Variants in CTNNA2 observed in about 807,000 individuals in gnomAD.
The protein encoded by CTNNA2 is catenin alpha 2, also known as catenin alpha-2.
CTNNA2 carries 42 observed loss-of-function variants against 101.0 expected under a neutral mutation model. The ratio of observed to expected loss-of-function variants is 0.42; its 90% confidence interval spans 0.32 to 0.54. The LOEUF (loss-of-function observed/expected upper bound fraction) is 0.54. CTNNA2 is among the 20% of genes least tolerant of loss of function. The pLI is 0.14. For missense variants in CTNNA2, 871 were observed against 1,223.1 expected, an observed-to-expected ratio of 0.71 and a Z score of 4.29; for synonymous variants, 450 against 456.4, an observed-to-expected ratio of 0.99 and a Z score of 0.18.
At chr2:80,083,636 T>G (rs1248555068) in intron 7 of CTNNA2, among the ~76,000 whole-genome samples, 1 of 152,176 alleles carries the variant, frequency 6.6e-6, no homozygotes, top group East Asian at 1.9e-4. Flanking sequence ...GAAGAGTCAT[T>G]TTTGAGAACT....
chr2:80,591,457 G>GTTT lies in CTNNA2; in HGVS notation c.2189+1991_2189+1993dup, dbSNP rs567131551. On this transcript the variant is annotated intron_variant, in intron 15 of 18. Transcript: ENST00000402739. ...ATTGCTGCCTCCATCTGCACAGCCT[G>GTTT]TTTTTTTTTTTTTTTTTTTTTGCAA... 9.4e-4 allele frequency among the ~76,000 whole-genome samples: 66 copies of GTTT among 70,296 alleles called. 7 individuals are homozygous for GTTT. Among genetic ancestry groups the GTTT allele is most frequent in the African/African-American group, 1.4e-3 (31 of 21,920 alleles). The allele number at this position is 70,296 out of a possible 152,430, so 46.1% of individuals were successfully genotyped here.
intron 6 of CTNNA2, among the ~76,000 whole-genome samples, chr2:79,882,566 G>T (rs368289333): frequency 6.6e-6 from 1 of 152,226 alleles, no homozygotes; most frequent in South Asian, 2.1e-4. Context: ...CCTGGCTCCA[G>T]CAGGGGAAAA....
At chr2:79,991,478 C>G (rs75500099) in intron 7 of CTNNA2, among the ~76,000 whole-genome samples, 1 of 152,086 alleles carries the variant, frequency 6.6e-6, no homozygotes, top group African/African-American at 2.4e-5. Flanking sequence ...AAGAAAATTC[C>G]TCATCTGTGA....
At chr2:79,897,636 A>G (rs1684806470) in intron 6 of CTNNA2, among the ~76,000 whole-genome samples, 1 of 152,220 alleles carries the variant, frequency 6.6e-6, no homozygotes, top group Non-Finnish European at 1.5e-5. Context: ...CTCAGCTAGA[A>G]AGAATTACAA....
At chr2:79,701,740 G>A (rs777552295) in intron 2 of CTNNA2, among the ~76,000 whole-genome samples, 1 of 152,112 alleles carries the variant, frequency 6.6e-6, no homozygotes, top group Non-Finnish European at 1.5e-5. Context: ...GATGGCTCAT[G>A]CCTGTAATCC....
At chr2:79,795,218 A>G (rs1315982577) in intron 3 of CTNNA2, among the ~76,000 whole-genome samples, 1 of 152,186 alleles carries the variant, frequency 6.6e-6, no homozygotes, top group Non-Finnish European at 1.5e-5. Context: ...ACAAACTATG[A>G]TATCTTTTTA....
intron 9 of CTNNA2, among the ~76,000 whole-genome samples, chr2:80,482,491 G>A (rs891012927): frequency 6.6e-6 from 1 of 152,112 alleles, no homozygotes; most frequent in Non-Finnish European, 1.5e-5. Context: ...ATTGTAATGT[G>A]AAAGCAACTA....
chr2:79,954,776 G>A (rs956189892), intron 7 of CTNNA2, among the ~76,000 whole-genome samples: 1 of 152,102 alleles, frequency 6.6e-6, no homozygotes, highest in Non-Finnish European at 1.5e-5. Flanking sequence ...AGGTTTTCAA[G>A]GATCTTATTT....
intron 8 of CTNNA2, among the ~76,000 whole-genome samples, chr2:80,416,862 G>C (rs1680089683): frequency 1.3e-5 from 2 of 151,764 alleles, no homozygotes; most frequent in Non-Finnish European, 2.9e-5. Flanking sequence ...AGTCAGTTTT[G>C]CTGGTTATAA....
chr2:80,170,959 C>G (rs563279309), intron 7 of CTNNA2, among the ~76,000 whole-genome samples: 47 of 152,244 alleles, frequency 3.1e-4, no homozygotes, highest in African/African-American at 1.1e-3. Flanking sequence ...TTTAATAAAA[C>G]TAGGTGCTCT....
chr2:80,256,700 A>G (rs529265627), intron 7 of CTNNA2, among the ~76,000 whole-genome samples: 1 of 152,302 alleles, frequency 6.6e-6, no homozygotes, highest in East Asian at 1.9e-4. Context: ...ACACCAGTTC[A>G]TCATTGCGGC....
intron 7 of CTNNA2, among the ~76,000 whole-genome samples, chr2:80,237,084 A>C (rs893866029): frequency 6.6e-6 from 1 of 152,174 alleles, no homozygotes; most frequent in African/African-American, 2.4e-5. Flanking sequence ...TCCCATTGTC[A>C]GTCCATGTAA....
At chr2:79,303,147 C>A (rs1269110436) in intron 2 of CTNNA2, among the ~76,000 whole-genome samples, 1 of 152,106 alleles carries the variant, frequency 6.6e-6, no homozygotes, top group African/African-American at 2.4e-5. Flanking sequence ...AGAGACAAAA[C>A]AAGGTTGGAA....
chr2:79,311,277 C>T (rs991360432), intron 2 of CTNNA2, among the ~76,000 whole-genome samples: 8 of 151,866 alleles, frequency 5.3e-5, no homozygotes, highest in Non-Finnish European at 1.0e-4. Flanking sequence ...GGCGTGATGG[C>T]GGGCGCCAGT....
chr2:79,743,590 A>G (rs1028217573), intron 2 of CTNNA2, among the ~76,000 whole-genome samples: 2 of 151,456 alleles, frequency 1.3e-5, no homozygotes, highest in Non-Finnish European at 2.9e-5. Flanking sequence ...CTAGAGTACA[A>G]TGGCACGATC....
intron 7 of CTNNA2, among the ~76,000 whole-genome samples, chr2:79,976,636 T>TA: frequency 6.6e-6 from 1 of 152,206 alleles, no homozygotes; most frequent in Non-Finnish European, 1.5e-5. Flanking sequence ...TACGATTACA[T>TA]TTTAACCTCA....
intron 7 of CTNNA2, among the ~76,000 whole-genome samples, chr2:79,983,382 A>G (rs1362568709): frequency 6.6e-6 from 1 of 152,124 alleles, no homozygotes; most frequent in Non-Finnish European, 1.5e-5. Flanking sequence ...AAAATAAATA[A>G]TAAACATTTT....
intron 9 of CTNNA2, among the ~76,000 whole-genome samples, chr2:80,517,333 G>T (rs1279770093): frequency 6.6e-6 from 1 of 152,186 alleles, no homozygotes; most frequent in Non-Finnish European, 1.5e-5. Flanking sequence ...ATTGGGGAAG[G>T]TGGGGACCAC....
chr2:80,611,139 A>T (rs1255077882), intron 17 of CTNNA2, among the ~76,000 whole-genome samples: 3 of 151,668 alleles, frequency 2.0e-5, no homozygotes, highest in Admixed American at 6.6e-5. Context: ...GAAAAGAAAA[A>T]ATATGATAGA....
Sources: gnomAD v4.1 joint callset for allele counts (sites outside exome capture counted in the v4.1 genomes callset) on GRCh38, gnomAD v4.1.1 for gene constraint, MANE v1.5 for transcripts, NCBI Gene and HGNC (gene_info 2026-07-23, HGNC 2026-07-21) for gene names.